The following NCMAP variants were observed in gnomAD, a reference collection of about 807,000 sequenced individuals.
The protein encoded by NCMAP is non-compact myelin associated protein.
Under a neutral mutation model 7.8 loss-of-function variants are expected in NCMAP, and 8 were observed. The observed-to-expected ratio is 1.02, with a 90% CI of 0.60 to 1.84. The LOEUF is 1.84. Among genes scored for constraint, NCMAP ranks in the 40% most tolerant of loss-of-function variants. NCMAP has a pLI of 0.00. For missense variants in NCMAP, 112 were observed against 131.4 expected (o/e 0.85, Z 0.72); for synonymous variants, 41 against 52.9 (o/e 0.78, Z 0.98).
intron 1 of NCMAP, among the ~76,000 whole-genome samples, chr1:24,568,183 G>A (rs1331469902): frequency 6.6e-6 from 1 of 152,016 alleles, no homozygotes; most frequent in Non-Finnish European, 1.5e-5. Flanking sequence ...CTGAGCCCGG[G>A]GGCAGAGAGC....
In NCMAP at chr1:24,607,912, A is replaced by G. The variant is rs1652816886; in HGVS notation, c.*2165A>G. 6.6e-6 allele frequency: 1 copy of G among 152,268 alleles called. No homozygotes were observed. Among genetic ancestry groups the G allele is most frequent in the Non-Finnish European group, 1.5e-5 (1 of 68,074 alleles). The allele number at this position is 152,268 out of a possible 1,614,324, so 9.4% of individuals were successfully genotyped here. The stretch of plus-strand genomic sequence containing the variant: ...GGGGAAATCAAGAGTCAGGGAGGTA[A>G]GAGGTCTTACCCAGGGTCACACAGC... On this transcript the variant is annotated 3_prime_UTR_variant, in exon 4 of 4. Coordinates refer to ENST00000374392, the MANE Select transcript of NCMAP (RefSeq NM_001010980.5).
intron 1 of NCMAP, among the ~76,000 whole-genome samples, chr1:24,588,903 A>G (rs1017199252): frequency 1.3e-5 from 2 of 152,080 alleles, no homozygotes; most frequent in African/African-American, 4.8e-5. Flanking sequence ...AAAGCCCCAC[A>G]TTGATTTGGG....
At chr1:24,594,323 G>A (rs1652146845) in intron 1 of NCMAP, among the ~76,000 whole-genome samples, 1 of 152,072 alleles carries the variant, frequency 6.6e-6, no homozygotes, top group South Asian at 2.1e-4. Context: ...TTGTAGCCTT[G>A]TGCATTTTGA....
At chr1:24,592,365 TC>T (rs971305186) in intron 1 of NCMAP, among the ~76,000 whole-genome samples, 1 of 152,172 alleles carries the variant, frequency 6.6e-6, no homozygotes, top group Non-Finnish European at 1.5e-5. Context: ...CCCTGTGTAC[TC>T]CCAGCACTGA....
chr1:24,557,828 C>T (rs138019560), intron 1 of NCMAP, among the ~76,000 whole-genome samples: 16 of 152,196 alleles, frequency 1.1e-4, no homozygotes, highest in South Asian at 8.3e-4. Flanking sequence ...GCCAGCCAGC[C>T]GCGGCGCGTG....
chr1:24,559,855 C>A (rs1650998561), intron 1 of NCMAP, among the ~76,000 whole-genome samples: 1 of 152,244 alleles, frequency 6.6e-6, no homozygotes, highest in Non-Finnish European at 1.5e-5. Context: ...ATAGTACCCT[C>A]TGCAATCATC....
At chr1:24,590,278 G>A (rs1012482676) in intron 1 of NCMAP, among the ~76,000 whole-genome samples, 52 of 152,164 alleles carry the variant, frequency 3.4e-4, no homozygotes, top group African/African-American at 1.1e-3. Context: ...TGTGCGTGTT[G>A]GTATCACGGT....
intron 1 of NCMAP, among the ~76,000 whole-genome samples, chr1:24,558,219 C>A (rs956996279): frequency 6.6e-6 from 1 of 152,224 alleles, no homozygotes; most frequent in African/African-American, 2.4e-5. Context: ...GTAGCACTTT[C>A]CATAATTGCC....
chr1:24,587,743 G>C lies in NCMAP; in HGVS notation c.-7-7681G>C, dbSNP rs1248522070. Among the ~76,000 whole-genome samples, 3 of 151,980 alleles carry C rather than the reference G, an allele frequency of 2.0e-5. No individual in the cohort carries two copies. In the East Asian group the frequency reaches 5.8e-4, roughly 29 times the overall value. ...GTCCAGGCTGGTCTCGAACTCCTGGGCTCAAGCAATACACCCACCTCGGCC... is the reference window on the plus strand; with the variant it reads ...GTCCAGGCTGGTCTCGAACTCCTGGCCTCAAGCAATACACCCACCTCGGCC... On this transcript the variant is annotated intron_variant, in intron 1 of 3. Transcript: ENST00000374392.
chr1:24,557,803 G>A (rs1650947215), intron 1 of NCMAP, among the ~76,000 whole-genome samples: 1 of 152,202 alleles, frequency 6.6e-6, no homozygotes, highest in Non-Finnish European at 1.5e-5. Flanking sequence ...CTGTGGGGAG[G>A]CAGCATGGTG....
At chr1:24,595,362 T>A in intron 1 of NCMAP, 62 bp from the exon 2 acceptor site, 1 of 1,175,780 alleles carries the variant, frequency 8.5e-7, no homozygotes, top group South Asian at 1.3e-5. Flanking sequence ...AAAAGAGGCA[T>A]CAAGTAGCAA....
intron 1 of NCMAP, among the ~76,000 whole-genome samples, chr1:24,584,833 T>C (rs964212443): frequency 2.0e-5 from 3 of 152,036 alleles, no homozygotes; most frequent in African/African-American, 7.3e-5. Flanking sequence ...ATTTATGTAT[T>C]GTTCTTTGGT....
At chr1:24,602,543 C>T (rs1652540940) in intron 3 of NCMAP, among the ~76,000 whole-genome samples, 1 of 106,388 alleles carries the variant, frequency 9.4e-6, no homozygotes, top group Non-Finnish European at 1.6e-5. Context: ...GCACTCCCGC[C>T]TGGGCGACAG....
chr1:24,597,113 C>T (rs1652254555), intron 2 of NCMAP, among the ~76,000 whole-genome samples: 1 of 152,062 alleles, frequency 6.6e-6, no homozygotes, highest in Admixed American at 6.5e-5. Context: ...CCTACAGAGG[C>T]CTGAGGAGGT....
chr1:24,577,736 C>T (rs983217899), intron 1 of NCMAP, among the ~76,000 whole-genome samples: 11 of 151,880 alleles, frequency 7.2e-5, no homozygotes, highest in African/African-American at 2.7e-4. Flanking sequence ...CATAGTCTTG[C>T]TTTTTGTAGG....
intron 2 of NCMAP, 130 bp downstream of exon 2, chr1:24,595,642 C>A: frequency 3.2e-6 from 2 of 624,598 alleles, no homozygotes; most frequent in South Asian, 4.2e-5. Flanking sequence ...TGCCACGTGC[C>A]AACTGCAGCA....
intron 1 of NCMAP, among the ~76,000 whole-genome samples, chr1:24,578,235 G>A (rs1651643123): frequency 7.7e-6 from 1 of 129,250 alleles, no homozygotes; most frequent in Non-Finnish European, 1.6e-5. Flanking sequence ...CAGCCTGTGG[G>A]ACACTGTCTC....
intron 1 of NCMAP, among the ~76,000 whole-genome samples, chr1:24,570,684 C>T (rs945285338): frequency 6.6e-6 from 1 of 150,842 alleles, no homozygotes. Flanking sequence ...CCCCCAGGCC[C>T]CTGCTCAGAA....
chr1:24,573,899 A>G (rs1275260403), intron 1 of NCMAP, among the ~76,000 whole-genome samples: 1 of 143,858 alleles, frequency 7.0e-6, no homozygotes, highest in African/African-American at 2.7e-5. Context: ...GACGGGGAAG[A>G]TCCGCTCCCA....
Sources: gnomAD v4.1 joint callset for allele counts (sites outside exome capture counted in the v4.1 genomes callset) on GRCh38, gnomAD v4.1.1 for gene constraint, MANE v1.5 for transcripts, NCBI Gene and HGNC (gene_info 2026-07-23, HGNC 2026-07-21) for gene names.